NSMF: variants seen among roughly 807,000 people sequenced by gnomAD.
NSMF encodes nasal embryonic LHRH factor.
NSMF carries 31 observed loss-of-function variants against 71.0 expected under a neutral mutation model. The ratio of observed to expected loss-of-function variants is 0.44; its 90% CI spans 0.33 to 0.59. NSMF has a LOEUF of 0.59. Among genes scored for constraint, NSMF ranks in the 20% least tolerant of loss-of-function variants. The probability of loss-of-function intolerance (pLI) is 0.04; values close to 1 mark genes in which losing one functional copy is unlikely to be tolerated. For synonymous variants in NSMF, 345 were observed against 287.1 expected, an observed-to-expected ratio of 1.20 and a Z score of -2.04; for missense variants, 673 against 740.5, an observed-to-expected ratio of 0.91 and a Z score of 1.06.
intron 3 of NSMF, 119 bp downstream of exon 3, chr9:137,457,288 G>A: frequency 2.8e-6 from 4 of 1,412,492 alleles, no homozygotes; most frequent in Non-Finnish European, 2.0e-6. Context: ...TGAGTCCGCT[G>A]GCATGCTGTG....
intron 12 of NSMF, 104 bp from the exon 13 acceptor site, chr9:137,450,359 G>A (rs1196907793): frequency 7.3e-5 from 62 of 849,014 alleles, no homozygotes; most frequent in Non-Finnish European, 1.0e-4. Context: ...TTCATCCCCC[G>A]GCCACGCTTC....
In NSMF at chr9:137,457,372, C is replaced by A. The variant is rs751674956; in HGVS notation, c.628+35G>T. The A allele has an allele frequency of 9.9e-6, 16 of 1,612,768 alleles. No individual in the cohort carries two copies. In the Admixed American group the frequency reaches 2.5e-4, roughly 25 times the overall value. ...CAGACCCTGGCAGCGGCATGCACCCCCAAACCTGTCTATGCCCTGACACAA... is the reference window on the plus strand; with the variant it reads ...CAGACCCTGGCAGCGGCATGCACCCACAAACCTGTCTATGCCCTGACACAA... On this transcript the variant is annotated intron_variant, in intron 3 of 15. Transcript: ENST00000371475.
chr9:137,457,032 G>C (rs1301975983), intron 3 of NSMF, among the ~76,000 whole-genome samples: 6 of 151,888 alleles, frequency 4.0e-5, no homozygotes, highest in Non-Finnish European at 8.8e-5. Context: ...CCACTGCCTG[G>C]CTGGGCCCCA....
intron 1 of NSMF, among the ~76,000 whole-genome samples, chr9:137,458,753 C>T (rs1564270555): frequency 6.6e-6 from 1 of 152,106 alleles, no homozygotes; most frequent in African/African-American, 2.4e-5. Context: ...CCCGTCGGAC[C>T]GTGGAGAGGG....
chr9:137,449,551 G>A (rs561902142), intron 15 of NSMF, 48 bp downstream of exon 15: 35 of 1,610,382 alleles, frequency 2.2e-5, no homozygotes, highest in Middle Eastern at 3.3e-4. Flanking sequence ...CCACCCCACC[G>A]TGGCCCCGCA....
rs994632750 is a variant in NSMF, at chr9:137,453,851, G to A, written c.833-31C>T. 1.9e-6 allele frequency: 3 copies of A among 1,542,872 alleles called. No individual in the cohort carries two copies. The highest frequency in any genetic ancestry group is 2.3e-5 in the South Asian group (2 of 85,642). On this transcript the variant is annotated intron_variant, in intron 7 of 15. Coordinates refer to ENST00000371475, the MANE Select transcript of NSMF (RefSeq NM_001130969.3). This position sits in a 1 kb window ranked among gnomAD's most constrained non-coding sequence, Gnocchi z 4.5. ...GAGAGCAAAACCCGCATTAGCGAGC[G>A]GGTGGGGCGGGGCCTCGGGAGTCTC...
At chr9:137,452,326 G>T in intron 12 of NSMF, 39 bp downstream of exon 12, 1 of 1,398,534 alleles carries the variant, frequency 7.2e-7, no homozygotes, top group Admixed American at 2.0e-5. Context: ...GCCCCACCAC[G>T]ATTCTTCTCC....
chr9:137,456,438 A>G lies in NSMF; in HGVS notation c.677T>C (p.Phe226Ser). Reference protein sequence around the residue: ...TWFPKENLFSFQTATTTMQAI... With the variant: ...TWFPKENLFSSQTATTTMQAI... ...TTGCATAGTTGTGGTTGCTGTCTGG[A>G]AGCTGAAAAGATTTTCCTTGGGGAA... The change falls in exon 4 of 16, where the codon TTC becomes TCC. Residue 226 changes from phenylalanine (F) to serine (S), a missense_variant. By Grantham distance (155) the Phe-to-Ser change is radical (BLOSUM62 -2). Coordinates refer to ENST00000371475, the MANE Select transcript of NSMF (RefSeq NM_001130969.3). 1 of 1,613,322 alleles carries G rather than the reference A, an allele frequency of 6.2e-7. No homozygotes were observed.
Position 137,449,367 on chromosome 9 carries a change from T to A in NSMF, c.*27A>T. 6.3e-7 allele frequency: 1 copy of A among 1,592,102 alleles called. No individual in the cohort carries two copies. The highest frequency in any genetic ancestry group is 8.6e-7 in the Non-Finnish European group (1 of 1,161,732). On this transcript the variant is annotated 3_prime_UTR_variant, in exon 16 of 16. Transcript: ENST00000371475. The stretch of plus-strand genomic sequence containing the variant: ...TCCCGGTGCAGAGGGAGTGGCCTGA[T>A]GGTGACTGGGCGGAGGCCTCTGCCC...
In NSMF at chr9:137,455,561, T is replaced by C. The variant is rs923048018; in HGVS notation, c.710+68A>G. The C allele has an allele frequency of 3.9e-6, 6 of 1,522,708 alleles. No individual in the cohort carries two copies. The Admixed American group carries it at 5.9e-5, about 15-fold the overall frequency. The allele number at this position is 1,522,708 out of a possible 1,614,324, so 94.3% of individuals were successfully genotyped here. ...AGGTCCCTGGCCTGCCCAAACCTAT[T>C]TGGGGTGGGAGGGTCTCCCCAGGGA... is the stretch of plus-strand genomic sequence containing the variant. On this transcript the variant is annotated intron_variant, in intron 5 of 15. Coordinates refer to ENST00000371475, the MANE Select transcript of NSMF (RefSeq NM_001130969.3).
chr9:137,453,661 A>AC lies in NSMF; in HGVS notation c.922+69dup. ...CGCAGCCCAGCGGCCCTGGCAGGGGACCCCCAGCAGGGGTCTGGGGTCTAG... is the reference window on the plus strand; with the variant it reads ...CGCAGCCCAGCGGCCCTGGCAGGGGACCCCCCAGCAGGGGTCTGGGGTCTAG... On this transcript the variant is annotated intron_variant, in intron 8 of 15. Transcript: ENST00000371475. The surrounding 1 kb of genome is among the most constrained non-coding windows in gnomAD (Gnocchi z 4.5). 1 of 1,235,896 alleles carries AC rather than the reference A, an allele frequency of 8.1e-7. No homozygotes were observed. The highest frequency in any genetic ancestry group is 1.1e-6 in the Non-Finnish European group (1 of 892,024). 76.6% of individuals were successfully genotyped at this position (1,235,896 alleles called of 1,614,324 possible). A position where few individuals can be genotyped will look rare whatever the true frequency, so the allele number is the denominator to read the frequency against.
chr9:137,457,414 A>T lies in NSMF; in HGVS notation c.621T>A (p.Arg207=), dbSNP rs1407004489. ...CTGACACAAACCCCTCACCAGACAC[A>T]CGGTCAACGCTGTACATCCTCTCCA... ...KKLERMYSVD[R]VSDDIPIRTW... is the part of the protein sequence containing the mutation. The change falls in exon 3 of 16, where the codon CGT becomes CGA. Residue 207 remains arginine (R), a synonymous_variant. Coordinates refer to ENST00000371475, the MANE Select transcript of NSMF (RefSeq NM_001130969.3). The T allele has an allele frequency of 1.2e-6, 2 of 1,612,730 alleles. No individual in the cohort carries two copies. The highest frequency in any genetic ancestry group is 1.3e-5 in the African/African-American group (1 of 74,990).
chr9:137,455,655 G>A (rs1315116793), intron 4 of NSMF, 21 bp from the exon 5 acceptor site: 1 of 1,550,372 alleles, frequency 6.5e-7, no homozygotes, highest in South Asian at 1.2e-5. Flanking sequence ...GGCCAGAAGG[G>A]ATGGCGTGAG....
chr9:137,450,083 C>T (rs766772884), intron 13 of NSMF, 58 bp from the exon 14 acceptor site: 78 of 1,587,178 alleles, frequency 4.9e-5, no homozygotes, highest in African/African-American at 2.4e-4. Context: ...CTCCACAGAG[C>T]GGACCGTGGA....
chr9:137,456,317 C>G (rs1251380846), intron 4 of NSMF, 94 bp downstream of exon 4: 1 of 1,061,522 alleles, frequency 9.4e-7, no homozygotes, highest in Admixed American at 1.7e-5. Context: ...AGCAGCCCCC[C>G]TGGTAGGCCC....
At chr9:137,457,326 C>T (rs1830884578) in intron 3 of NSMF, 81 bp downstream of exon 3, 2 of 1,586,308 alleles carry the variant, frequency 1.3e-6, no homozygotes, top group African/African-American at 2.7e-5. Context: ...CTGTTCCAAG[C>T]CTCACAGTGG....
rs1465621549 is a variant in NSMF at position 137,459,313 on chromosome 9, C to G, written c.-211G>C. 3.3e-5 allele frequency: 6 copies of G among 180,286 alleles called. No homozygotes were observed. In the East Asian group the frequency reaches 5.5e-4, roughly 17 times the overall value. The allele number at this position is 180,286 out of a possible 1,614,324, so 11.2% of individuals were successfully genotyped here. ...CGGCGCTCCGCGCGTGCCGCCGCTCCCGGGAGAGCGCTGCCCGAACCGAGG... is the reference window on the plus strand; with the variant it reads ...CGGCGCTCCGCGCGTGCCGCCGCTCGCGGGAGAGCGCTGCCCGAACCGAGG... On this transcript the variant is annotated 5_prime_UTR_variant, in exon 1 of 16. Coordinates refer to ENST00000371475, the MANE Select transcript of NSMF (RefSeq NM_001130969.3).
chr9:137,458,576 G>C (rs1477151192), intron 1 of NSMF, 27 bp from the exon 2 acceptor site: 1 of 1,574,756 alleles, frequency 6.4e-7, no homozygotes, highest in African/African-American at 1.4e-5. Context: ...GGCACGGTCA[G>C]AGGCCACGGC....
Position 137,457,485 on chromosome 9 carries a change from G to A in NSMF, c.550C>T (p.Leu184=), listed in dbSNP as rs574895031. 32 of 1,612,584 alleles carry A rather than the reference G, an allele frequency of 2.0e-5. No homozygotes were observed. Among genetic ancestry groups the A allele is most frequent in the Non-Finnish European group, 2.5e-5 (30 of 1,179,860 alleles). Residue 184 remains leucine (L), a synonymous_variant, in exon 3 of 16, where the codon CTG becomes TTG. Transcript: ENST00000371475. ...GTCTCAGGCAGAGGTGGCTGGTCCA[G>A]CCCAAAGGCCCGAGGGGTGGGGCCA... ...APGPTPRAFG[L]DQPPLPETSG...
Sources: allele counts gnomAD v4.1 joint callset (sites outside exome capture counted in the v4.1 genomes callset), GRCh38; gene constraint gnomAD v4.1.1; non-coding constraint Gnocchi (gnomAD v3.1); transcripts MANE v1.5; gene names NCBI Gene and HGNC (gene_info 2026-07-23, HGNC 2026-07-21).